The following PTPRN2 variants were observed in gnomAD, a reference collection of about 807,000 sequenced individuals.
PTPRN2 encodes protein tyrosine phosphatase receptor type N2, also known as receptor-type tyrosine-protein phosphatase N2.
A neutral mutation model predicts 118.8 loss-of-function variants in PTPRN2; 74 were observed. The ratio of observed to expected loss-of-function variants is 0.62; its 90% confidence interval spans 0.52 to 0.76. The LOEUF (loss-of-function observed/expected upper bound fraction) is 0.76, where lower values mean the gene tolerates loss of function less well. PTPRN2 is among the 30% of genes least tolerant of loss of function. PTPRN2 has a pLI of 0.00. For synonymous variants in PTPRN2, 641 were observed against 608.0 expected (o/e 1.05, Z -0.80); for missense variants, 1,481 against 1,394.4 (o/e 1.06, Z -0.99).
In PTPRN2 at chr7:158,279,133, C is replaced by T. The variant is rs560343217; in HGVS notation, c.277+37686G>A. On this transcript the variant is annotated intron_variant, in intron 3 of 22. Transcript: ENST00000389418. ...GTTTGCTGCTGCTGGCTCTGGCAGCCTGCTTTTATCCCCATATCTGGCCGC... is the reference window on the plus strand; with the variant it reads ...GTTTGCTGCTGCTGGCTCTGGCAGCTTGCTTTTATCCCCATATCTGGCCGC... 3.3e-4 allele frequency among the ~76,000 whole-genome samples: 50 copies of T among 152,322 alleles called. 1 individual carries two copies. In the South Asian group the frequency reaches 0.01, roughly 32 times the overall value.
Position 157,731,612 on chromosome 7 carries a change from C to T in PTPRN2, c.1789-48675G>A, listed in dbSNP as rs865899856. Among the ~76,000 whole-genome samples the T allele has an allele frequency of 2.6e-3, 153 of 57,960 alleles. 1 individual carries two copies. The highest frequency in any genetic ancestry group is 9.6e-3 in the African/African-American group (116 of 12,070). 38.0% of individuals were successfully genotyped at this position (57,960 alleles called of 152,430 possible). On this transcript the variant is annotated intron_variant, in intron 12 of 22. Coordinates refer to ENST00000389418, the MANE Select transcript of PTPRN2 (RefSeq NM_002847.5). ...CACCCCATGCGCCCAGCACAGTTACCCTTTCCCGTCCCACGCGCCCAGCAC... is the reference window on the plus strand; with the variant it reads ...CACCCCATGCGCCCAGCACAGTTACTCTTTCCCGTCCCACGCGCCCAGCAC...
chr7:158,175,027 C>T lies in PTPRN2; in HGVS notation c.550-7736G>A, dbSNP rs117020015. Among the ~76,000 whole-genome samples the T allele has an allele frequency of 8.6e-3, 1,307 of 152,270 alleles. 17 individuals are homozygous for T. The highest frequency in any genetic ancestry group is 0.06 in the East Asian group (311 of 5,174). On this transcript the variant is annotated intron_variant, in intron 5 of 22. Coordinates refer to ENST00000389418, the MANE Select transcript of PTPRN2 (RefSeq NM_002847.5). ...AGGCTGACAGGAAGGCCTGGAGGTC[C>T]GGGGAGTCCCACATGCCGGGAGACT...
intron 2 of PTPRN2, among the ~76,000 whole-genome samples, chr7:158,336,606 C>G (rs1239319166): frequency 1.4e-5 from 2 of 147,578 alleles, no homozygotes; most frequent in Non-Finnish European, 3.0e-5. Context: ...CACCCACACT[C>G]TCACCATAAT....
Position 157,603,917 on chromosome 7 carries a change from TC to T in PTPRN2, c.2418+84del. On this transcript the variant is annotated intron_variant, in intron 16 of 22. Coordinates refer to ENST00000389418, the MANE Select transcript of PTPRN2 (RefSeq NM_002847.5). This position sits in a 1 kb window ranked among gnomAD's most constrained non-coding sequence, Gnocchi z 5.4. ...CGCTGAGCTGGGTGGGGACGTGATT[TC>T]CCCCGAGAACCTTCCCACGTGATTT... 1.5e-6 allele frequency: 2 copies of T among 1,326,678 alleles called. No homozygotes were observed. Among genetic ancestry groups the T allele is most frequent in the South Asian group, 1.2e-5 (1 of 82,168 alleles). 82.2% of individuals were successfully genotyped at this position (1,326,678 alleles called of 1,614,324 possible).
rs112523926 is a variant in PTPRN2, at chr7:157,676,628, G to A, written c.2001+6097C>T. ...AGTGGGGACAGCGCAGCTGGGGACC[G>A]CCCAGTGCAGCTCTGCCACTGGCCC... On this transcript the variant is annotated intron_variant, in intron 13 of 22. Transcript: ENST00000389418. This position sits in a 1 kb window ranked among gnomAD's most constrained non-coding sequence, Gnocchi z 5.6. Among the ~76,000 whole-genome samples, 46 of 152,368 alleles carry A rather than the reference G, an allele frequency of 3.0e-4. No homozygotes were observed. Among genetic ancestry groups the A allele is most frequent in the African/African-American group, 1.0e-3 (43 of 41,594 alleles).
intron 11 of PTPRN2, among the ~76,000 whole-genome samples, chr7:158,006,605 G>A (rs980588690): frequency 6.6e-6 from 1 of 152,206 alleles, no homozygotes; most frequent in Admixed American, 6.5e-5. Flanking sequence ...CTTTGCAGCT[G>A]TGGACGGCAA....
rs903435127 is a variant in PTPRN2 at position 157,979,106 on chromosome 7, G to A, written c.1724-80369C>T. ...CTACCTGCCATCTCCCATCGCCCCC[G>A]CGGCCCTGGCAGGAGGGATTGTTTC... On this transcript the variant is annotated intron_variant, in intron 11 of 22. Transcript: ENST00000389418. Among the ~76,000 whole-genome samples, 8 of 151,970 alleles carry A rather than the reference G, an allele frequency of 5.3e-5. 1 individual carries two copies. Among genetic ancestry groups the A allele is most frequent in the Admixed American group, 2.0e-4 (3 of 15,272 alleles).
intron 8 of PTPRN2, 28 bp from the exon 9 acceptor site, chr7:158,134,087 C>A (rs764711131): frequency 6.3e-7 from 1 of 1,596,914 alleles, no homozygotes; most frequent in Admixed American, 1.7e-5. Flanking sequence ...CCGTGAGGGA[C>A]GTCTGCGAAA....
intron 3 of PTPRN2, among the ~76,000 whole-genome samples, chr7:158,284,801 T>C (rs779609240): frequency 7.2e-5 from 11 of 152,214 alleles, no homozygotes; most frequent in Non-Finnish European, 1.2e-4. Context: ...ACCAATAATT[T>C]TGGAACTTCT....
intron 12 of PTPRN2, among the ~76,000 whole-genome samples, chr7:157,744,766 G>C (rs1346619075): frequency 6.6e-6 from 1 of 152,166 alleles, no homozygotes; most frequent in Admixed American, 6.5e-5. Context: ...GTGAGGTGGA[G>C]GGGAAGCCAC....
chr7:157,896,462 G>C (rs775277226), intron 12 of PTPRN2, among the ~76,000 whole-genome samples: 1 of 151,534 alleles, frequency 6.6e-6, no homozygotes, highest in Admixed American at 6.6e-5. Context: ...AAGGAGCTCC[G>C]TTGTGAGTGG....
rs1340620782 is a variant in PTPRN2 at position 157,590,414 on chromosome 7, G to A, written c.2496+4824C>T. Among the ~76,000 whole-genome samples the A allele has an allele frequency of 6.6e-6, 1 of 152,206 alleles. No individual in the cohort carries two copies. Among genetic ancestry groups the A allele is most frequent in the African/African-American group, 2.4e-5 (1 of 41,460 alleles). On this transcript the variant is annotated intron_variant, in intron 17 of 22. Transcript: ENST00000389418. The surrounding 1 kb of genome is among the most constrained non-coding windows in gnomAD (Gnocchi z 4.0). Reference sequence around the variant, plus strand: ...TGATTTGGAGAGCACTCACAGACAAGGAATTAATTTGGGGTACATCTTCCT... The same window carrying A: ...TGATTTGGAGAGCACTCACAGACAAAGAATTAATTTGGGGTACATCTTCCT...
intron 2 of PTPRN2, among the ~76,000 whole-genome samples, chr7:158,441,719 G>A: frequency 6.6e-6 from 1 of 150,500 alleles, no homozygotes; most frequent in Non-Finnish European, 1.5e-5. Flanking sequence ...GGTGGTGATG[G>A]TGATAGCGAT....
chr7:158,177,167 C>T (rs1180952708), intron 5 of PTPRN2, among the ~76,000 whole-genome samples: 1 of 152,222 alleles, frequency 6.6e-6, no homozygotes, highest in Non-Finnish European at 1.5e-5. Context: ...AGCCTTTAAG[C>T]AGCTTCCAAA....
intron 1 of PTPRN2, among the ~76,000 whole-genome samples, chr7:158,505,797 C>T (rs1303110008): frequency 2.0e-5 from 3 of 152,150 alleles, no homozygotes. Flanking sequence ...ACGTGTATGC[C>T]ATCACCATGC....
intron 1 of PTPRN2, among the ~76,000 whole-genome samples, chr7:158,512,625 C>T (rs957559463): frequency 1.1e-4 from 16 of 152,280 alleles, no homozygotes; most frequent in East Asian, 1.9e-4. Context: ...AGGACATCCC[C>T]GCAGTAATGA....
chr7:158,274,470 G>A (rs1055226270), intron 3 of PTPRN2, among the ~76,000 whole-genome samples: 40 of 126,158 alleles, frequency 3.2e-4, no homozygotes, highest in African/African-American at 1.0e-3. Context: ...GCAGACACAG[G>A]AGGAGACACA....
chr7:158,383,549 T>C (rs971536136), intron 2 of PTPRN2, among the ~76,000 whole-genome samples: 8 of 152,200 alleles, frequency 5.3e-5, no homozygotes, highest in African/African-American at 1.9e-4. Flanking sequence ...AGACTTTAAA[T>C]AGCCTCCGGG....
At chr7:158,326,085 C>A (rs909639355) in intron 2 of PTPRN2, among the ~76,000 whole-genome samples, 1 of 152,184 alleles carries the variant, frequency 6.6e-6, no homozygotes, top group Non-Finnish European at 1.5e-5. Context: ...CATCCAGGGC[C>A]CCACAGGCCA....
Sources: allele counts gnomAD v4.1 joint callset (sites outside exome capture counted in the v4.1 genomes callset), GRCh38; gene constraint gnomAD v4.1.1; non-coding constraint Gnocchi (gnomAD v3.1); transcripts MANE v1.5; gene names NCBI Gene and HGNC (gene_info 2026-07-23, HGNC 2026-07-21).